FBN2: variants seen among roughly 807,000 people sequenced by gnomAD.
FBN2 encodes the protein fibrillin-2.
Under a neutral mutation model 355.6 loss-of-function variants are expected in FBN2, and 105 were observed. The observed-to-expected ratio is 0.30, with a 90% confidence interval of 0.25 to 0.35. FBN2 has a LOEUF of 0.35. FBN2 is among the 10% of genes least tolerant of loss of function. The probability of loss-of-function intolerance (pLI) is 1.00; values close to 1 mark genes in which losing one functional copy is unlikely to be tolerated. For synonymous variants in FBN2, 1,350 were observed against 1,301.2 expected, an observed-to-expected ratio of 1.04 and a Z score of -0.81; for missense variants, 3,280 against 3,758.7, an observed-to-expected ratio of 0.87 and a Z score of 3.33.
At chr5:128,330,874 G>A (rs1254266731) in intron 32 of FBN2, among the ~76,000 whole-genome samples, 179 bp from the exon 33 acceptor site, 2 of 152,202 alleles carry the variant, frequency 1.3e-5, no homozygotes, top group African/African-American at 2.4e-5. Context: ...GGCTATAAAT[G>A]TGGGCCAAAA....
At chr5:128,433,998 G>C (rs1015034829) in intron 7 of FBN2, among the ~76,000 whole-genome samples, 1 of 151,672 alleles carries the variant, frequency 6.6e-6, no homozygotes, top group African/African-American at 2.4e-5. Flanking sequence ...CTAAAATAAG[G>C]GCTCTTTAAA....
chr5:128,527,164 A>C (rs1330966952), intron 4 of FBN2, among the ~76,000 whole-genome samples: 1 of 152,202 alleles, frequency 6.6e-6, no homozygotes, highest in Non-Finnish European at 1.5e-5. Flanking sequence ...TTACTTCAAA[A>C]TATGTGAATT....
chr5:128,481,163 C>T (rs942488555), intron 5 of FBN2, among the ~76,000 whole-genome samples: 15 of 142,402 alleles, frequency 1.1e-4, no homozygotes, highest in African/African-American at 4.3e-4. Flanking sequence ...ACCAGACCCA[C>T]ATAATTTTTA....
intron 45 of FBN2, among the ~76,000 whole-genome samples, chr5:128,303,996 G>A (rs1241720046): frequency 6.6e-6 from 1 of 152,146 alleles, no homozygotes; most frequent in Non-Finnish European, 1.5e-5. Context: ...GAAGTCCAAA[G>A]GGAGGGCTTT....
intron 20 of FBN2, among the ~76,000 whole-genome samples, chr5:128,356,466 T>G (rs1751506826): frequency 6.6e-6 from 1 of 152,268 alleles, no homozygotes; most frequent in Non-Finnish European, 1.5e-5. Context: ...AATTTGGCAC[T>G]ATGTAAAACT....
At chr5:128,319,484 T>C (rs1195917024) in intron 34 of FBN2, among the ~76,000 whole-genome samples, 1 of 150,996 alleles carries the variant, frequency 6.6e-6, no homozygotes, top group Non-Finnish European at 1.5e-5. Flanking sequence ...GTTAATTTAG[T>C]TAATTAAATA....
intron 23 of FBN2, among the ~76,000 whole-genome samples, chr5:128,347,784 CTT>C (rs33959680): frequency 4.8e-4 from 71 of 148,308 alleles, no homozygotes; most frequent in Admixed American, 8.7e-4. Flanking sequence ...TTAAAAAATG[CTT>C]TTTTTTTTTT....
Position 128,280,173 on chromosome 5 carries a change from T to C in FBN2, c.7138+19A>G, listed in dbSNP as rs1475554198. 1 of 1,605,010 alleles carries C rather than the reference T, an allele frequency of 6.2e-7. No individual in the cohort carries two copies. The highest frequency in any genetic ancestry group is 8.5e-7 in the Non-Finnish European group (1 of 1,172,580). ...GATGTTTTATCTACCAAGTATAATA[T>C]ATTTGGATGTCAACTTACCAAGGCA... On this transcript the variant is annotated intron_variant, in intron 56 of 64. Transcript: ENST00000262464.
chr5:128,420,928 C>T (rs569716904), intron 7 of FBN2, among the ~76,000 whole-genome samples: 13 of 152,296 alleles, frequency 8.5e-5, no homozygotes, highest in Admixed American at 7.2e-4. Context: ...CCATGAGAAT[C>T]GGCAAAAGTT....
intron 7 of FBN2, among the ~76,000 whole-genome samples, chr5:128,431,778 GA>G (rs753282250): frequency 1.7e-4 from 26 of 152,156 alleles, no homozygotes; most frequent in Admixed American, 6.5e-5. Flanking sequence ...CAGTGAATCT[GA>G]TAACTGAGGC....
intron 31 of FBN2, among the ~76,000 whole-genome samples, chr5:128,333,475 T>TA (rs1356133019): frequency 2.0e-5 from 3 of 152,086 alleles, no homozygotes; most frequent in African/African-American, 7.2e-5. Flanking sequence ...TCTAACTTTT[T>TA]AAAAAAAGTA....
At chr5:128,503,857 C>T (rs1358649602) in intron 5 of FBN2, among the ~76,000 whole-genome samples, 5 of 152,154 alleles carry the variant, frequency 3.3e-5, no homozygotes, top group Admixed American at 3.3e-4. Flanking sequence ...GTCTCCAGGG[C>T]ATGTCAGAGA....
At chr5:128,370,326 C>A (rs905386210) in intron 15 of FBN2, among the ~76,000 whole-genome samples, 1 of 152,148 alleles carries the variant, frequency 6.6e-6, no homozygotes, top group East Asian at 1.9e-4. Context: ...ATATCTGTAA[C>A]TATTCACAAC....
At chr5:128,455,377 A>G (rs1056768936) in intron 6 of FBN2, among the ~76,000 whole-genome samples, 1 of 152,196 alleles carries the variant, frequency 6.6e-6, no homozygotes, top group African/African-American at 2.4e-5. Context: ...CACAACGGCT[A>G]AAACTCAAAT....
At chr5:128,280,812 G>T (rs1687762803) in intron 55 of FBN2, among the ~76,000 whole-genome samples, 1 of 152,164 alleles carries the variant, frequency 6.6e-6, no homozygotes, top group Non-Finnish European at 1.5e-5. Flanking sequence ...TGTGAGGGTA[G>T]TTAATGGGAG....
intron 48 of FBN2, among the ~76,000 whole-genome samples, chr5:128,299,751 C>T (rs750632718): frequency 1.1e-4 from 17 of 152,252 alleles, no homozygotes; most frequent in Non-Finnish European, 2.1e-4. Flanking sequence ...GAACCCAGCA[C>T]CTCAGATGGA....
chr5:128,429,004 G>A (rs1753551836), intron 7 of FBN2, among the ~76,000 whole-genome samples: 1 of 152,200 alleles, frequency 6.6e-6, no homozygotes, highest in South Asian at 2.1e-4. Context: ...CCTCCAGGTA[G>A]TTGCATGGAC....
At chr5:128,447,885 G>A (rs745790861) in intron 6 of FBN2, among the ~76,000 whole-genome samples, 60 of 152,262 alleles carry the variant, frequency 3.9e-4, no homozygotes, top group Middle Eastern at 3.4e-3. Context: ...AAGAACCTAC[G>A]TGAAATAACA....
chr5:128,259,761 G>A lies in FBN2; in HGVS notation c.8433C>T (p.His2811=), dbSNP rs1361400686. Residue 2811 remains histidine, a synonymous_variant, in exon 65 of 65, where the codon CAC becomes CAT. Transcript: ENST00000262464. ...SPVNMKFNLS[H]LGSKEHILEL... ...CCAGGATGTGCTCCTTAGAGCCGAGGTGGGAGAGGTTGAACTTCATGTTGA... is the reference window on the plus strand; with the variant it reads ...CCAGGATGTGCTCCTTAGAGCCGAGATGGGAGAGGTTGAACTTCATGTTGA... The A allele has an allele frequency of 3.1e-6, 5 of 1,613,898 alleles. No homozygotes were observed. The South Asian group carries it at 5.5e-5, about 18-fold the overall frequency.
Sources: allele counts gnomAD v4.1 joint callset (sites outside exome capture counted in the v4.1 genomes callset), GRCh38; gene constraint gnomAD v4.1.1; transcripts MANE v1.5; gene names NCBI Gene and HGNC (gene_info 2026-07-23, HGNC 2026-07-21).